ADAMTS6: variants seen among roughly 807,000 people sequenced by gnomAD.
ADAMTS6 encodes ADAM metallopeptidase with thrombospondin type 1 motif 6.
Under a neutral mutation model 144.3 loss-of-function variants are expected in ADAMTS6, and 23 were observed. That is an observed-to-expected ratio of 0.16 (90% confidence interval 0.11 to 0.23). ADAMTS6 has a LOEUF of 0.23. Ranked by LOEUF, ADAMTS6 falls within the 10% of genes least tolerant of loss-of-function variation. The pLI is 1.00. For missense variants in ADAMTS6, 999 were observed against 1,379.6 expected, an observed-to-expected ratio of 0.72 and a Z score of 4.37; for synonymous variants, 444 against 457.5, an observed-to-expected ratio of 0.97 and a Z score of 0.38.
intron 21 of ADAMTS6, among the ~76,000 whole-genome samples, chr5:65,194,959 AATCT>A (rs552534363): frequency 2.0e-5 from 3 of 152,338 alleles, no homozygotes; most frequent in African/African-American, 7.2e-5. Flanking sequence ...CAACAACTGA[AATCT>A]TTAAGGACAC....
chr5:65,434,109 T>C (rs745773980), intron 7 of ADAMTS6, among the ~76,000 whole-genome samples: 5 of 152,226 alleles, frequency 3.3e-5, no homozygotes, highest in Non-Finnish European at 5.9e-5. Context: ...ACAACATGGA[T>C]GAACTTTGAA....
At chr5:65,377,397 T>C (rs953609537) in intron 7 of ADAMTS6, among the ~76,000 whole-genome samples, 1 of 152,144 alleles carries the variant, frequency 6.6e-6, no homozygotes, top group Admixed American at 6.5e-5. Flanking sequence ...GCAATGGAAT[T>C]CTAGACTGCC....
chr5:65,263,176 C>A (rs189396944), intron 12 of ADAMTS6, among the ~76,000 whole-genome samples: 1 of 152,070 alleles, frequency 6.6e-6, no homozygotes, highest in Non-Finnish European at 1.5e-5. Flanking sequence ...AAGCCTCTAA[C>A]CTGTATTGGG....
intron 20 of ADAMTS6, among the ~76,000 whole-genome samples, chr5:65,212,333 C>T (rs1368332605): frequency 2.0e-5 from 3 of 151,842 alleles, no homozygotes; most frequent in Non-Finnish European, 2.9e-5. Context: ...AGAACCACCT[C>T]CAGTATCTAA....
At chr5:65,277,965 G>C (rs781768020) in intron 11 of ADAMTS6, among the ~76,000 whole-genome samples, 29 of 152,036 alleles carry the variant, frequency 1.9e-4, no homozygotes, top group Non-Finnish European at 4.1e-4. Flanking sequence ...CTAATATGTA[G>C]TTTACCTCTA....
intron 20 of ADAMTS6, among the ~76,000 whole-genome samples, chr5:65,206,879 C>T (rs564962045): frequency 5.9e-5 from 9 of 151,338 alleles, no homozygotes; most frequent in Non-Finnish European, 1.3e-4. Context: ...AATACACACA[C>T]ACACAGACTC....
chr5:65,273,374 C>G lies in ADAMTS6; in HGVS notation c.1586G>C (p.Gly529Ala). 6.2e-7 allele frequency: 1 copy of G among 1,613,886 alleles called. No individual in the cohort carries two copies. Among genetic ancestry groups the G allele is most frequent in the East Asian group, 2.2e-5 (1 of 44,876 alleles). Residue 529 changes from glycine to alanine, a missense_variant, in exon 12 of 25, where the codon GGG (glycine) becomes GCG (alanine). Physicochemically the swap from Gly to Ala is moderately conservative, Grantham distance 60. Coordinates refer to ENST00000381055, the MANE Select transcript of ADAMTS6 (RefSeq NM_197941.4). ...AATATTCCCAGTTTGACACAGTGTC[C>G]CCTCAGCTGCTGGAATACTGTTGGT... ...CVTNSIPAAE[G>A]TLCQTGNIEK...
intron 24 of ADAMTS6, among the ~76,000 whole-genome samples, chr5:65,154,035 G>A (rs146928266): frequency 2.0e-4 from 30 of 151,976 alleles, no homozygotes; most frequent in East Asian, 1.9e-3. Context: ...TGGTGAAACC[G>A]CATTTATACT....
At chr5:65,403,857 T>C (rs1754172791) in intron 7 of ADAMTS6, among the ~76,000 whole-genome samples, 1 of 152,086 alleles carries the variant, frequency 6.6e-6, no homozygotes, top group Non-Finnish European at 1.5e-5. Flanking sequence ...TTCACCTGTG[T>C]CCCCTAGTAA....
At chr5:65,363,191 T>C (rs560763866) in intron 7 of ADAMTS6, among the ~76,000 whole-genome samples, 1 of 152,284 alleles carries the variant, frequency 6.6e-6, no homozygotes, top group South Asian at 2.1e-4. Flanking sequence ...GTAAATAAAA[T>C]AGCTAATACT....
intron 7 of ADAMTS6, among the ~76,000 whole-genome samples, chr5:65,340,409 C>A (rs1747710282): frequency 6.6e-6 from 1 of 151,824 alleles, no homozygotes; most frequent in South Asian, 2.1e-4. Context: ...AAAATAATAA[C>A]CATCATCATG....
At chr5:65,189,785 T>C (rs1229969393) in intron 21 of ADAMTS6, among the ~76,000 whole-genome samples, 2 of 152,256 alleles carry the variant, frequency 1.3e-5, no homozygotes, top group Non-Finnish European at 2.9e-5. Context: ...GGATTCCCCA[T>C]TGATTGCTAT....
chr5:65,253,452 A>T (rs1182452419), intron 14 of ADAMTS6, among the ~76,000 whole-genome samples: 1 of 152,212 alleles, frequency 6.6e-6, no homozygotes, highest in Non-Finnish European at 1.5e-5. Context: ...ATGGATTGTT[A>T]TCTAGTCCTT....
intron 7 of ADAMTS6, among the ~76,000 whole-genome samples, chr5:65,406,410 G>A (rs1000648637): frequency 6.6e-6 from 1 of 151,904 alleles, no homozygotes; most frequent in African/African-American, 2.4e-5. Context: ...ATAATCATGT[G>A]GTTTTTGTCT....
intron 21 of ADAMTS6, among the ~76,000 whole-genome samples, chr5:65,191,209 A>G (rs944846915): frequency 1.3e-5 from 2 of 152,084 alleles, no homozygotes; most frequent in African/African-American, 2.4e-5. Flanking sequence ...AGTGGGATTC[A>G]TGTTCGAGTG....
At chr5:65,314,300 C>A (rs532928228) in intron 9 of ADAMTS6, among the ~76,000 whole-genome samples, 1 of 152,084 alleles carries the variant, frequency 6.6e-6, no homozygotes, top group Admixed American at 6.5e-5. Context: ...ACTTCCCAAA[C>A]TGAAATACAG....
intron 7 of ADAMTS6, among the ~76,000 whole-genome samples, chr5:65,379,351 T>C (rs1383243232): frequency 6.6e-6 from 1 of 152,226 alleles, no homozygotes; most frequent in Non-Finnish European, 1.5e-5. Context: ...AGTAAAGAGA[T>C]ACATGAAAGT....
chr5:65,478,785 C>T (rs957322494), intron 1 of ADAMTS6, among the ~76,000 whole-genome samples: 4 of 152,146 alleles, frequency 2.6e-5, no homozygotes, highest in East Asian at 3.8e-4. Flanking sequence ...AGAACCAAAA[C>T]GTCCATTTCA....
chr5:65,364,075 C>T (rs990234009), intron 7 of ADAMTS6, among the ~76,000 whole-genome samples: 1 of 152,126 alleles, frequency 6.6e-6, no homozygotes, highest in Admixed American at 6.5e-5. Context: ...ACTCTAGTGT[C>T]CTGAACTCCT....
Sources: gnomAD v4.1 joint callset for allele counts (sites outside exome capture counted in the v4.1 genomes callset) on GRCh38, gnomAD v4.1.1 for gene constraint, MANE v1.5 for transcripts, NCBI Gene and HGNC (gene_info 2026-07-23, HGNC 2026-07-21) for gene names.